UST: variants seen among roughly 807,000 people sequenced by gnomAD.
The protein encoded by UST is chondroitin sulfate 2-O-sulfotransferase.
Under a neutral mutation model 45.6 loss-of-function variants are expected in UST, and 21 were observed. The observed-to-expected ratio is 0.46, with a 90% CI of 0.33 to 0.66. The LOEUF is 0.66. UST is among the 30% of genes least tolerant of loss of function. The probability of loss-of-function intolerance (pLI) is 0.02; values close to 1 mark genes in which losing one functional copy is unlikely to be tolerated. For missense variants in UST, 463 were observed against 512.4 expected, an observed-to-expected ratio of 0.90 and a Z score of 0.93; for synonymous variants, 215 against 200.6, an observed-to-expected ratio of 1.07 and a Z score of -0.61.
At chr6:148,901,008 T>C (rs899477105) in intron 2 of UST, among the ~76,000 whole-genome samples, 1 of 152,242 alleles carries the variant, frequency 6.6e-6, no homozygotes, top group African/African-American at 2.4e-5. Context: ...CCCTTGTGAT[T>C]ACATTGGACT....
chr6:149,023,155 GGTGTGGT>G (rs1776004987), intron 7 of UST, among the ~76,000 whole-genome samples: 2 of 148,870 alleles, frequency 1.3e-5, no homozygotes, highest in South Asian at 2.1e-4. Context: ...TGTGTGGTGT[GGTGTGGT>G]GTGTGGTGTG....
chr6:149,000,955 T>C (rs1220578376), intron 5 of UST, among the ~76,000 whole-genome samples: 8 of 152,032 alleles, frequency 5.3e-5, no homozygotes, highest in Non-Finnish European at 1.2e-4. Context: ...GGAAAAAATA[T>C]TGTAAAGTTT....
chr6:149,044,517 C>T (rs1335898097), intron 7 of UST, among the ~76,000 whole-genome samples: 1 of 152,196 alleles, frequency 6.6e-6, no homozygotes, highest in Non-Finnish European at 1.5e-5. Context: ...ATGTAGTTCG[C>T]TGCCTTTCTA....
At chr6:148,831,962 C>T (rs1338178569) in intron 1 of UST, among the ~76,000 whole-genome samples, 3 of 152,120 alleles carry the variant, frequency 2.0e-5, no homozygotes, top group Non-Finnish European at 4.4e-5. Context: ...GGGTCTAATA[C>T]TTGTAAATAC....
At chr6:148,864,820 G>A (rs1778395229) in intron 1 of UST, among the ~76,000 whole-genome samples, 2 of 152,152 alleles carry the variant, frequency 1.3e-5, no homozygotes, top group Admixed American at 1.3e-4. Flanking sequence ...CAGTTTACAG[G>A]GCATTGAGAT....
At chr6:148,929,968 G>A (rs376975458) in intron 2 of UST, among the ~76,000 whole-genome samples, 2 of 152,156 alleles carry the variant, frequency 1.3e-5, no homozygotes, top group Admixed American at 6.6e-5. Flanking sequence ...AAACATGGGA[G>A]GGAGGCTAGA....
At chr6:148,792,874 T>C (rs2114705991) in intron 1 of UST, among the ~76,000 whole-genome samples, 1 of 152,346 alleles carries the variant, frequency 6.6e-6, no homozygotes, top group South Asian at 2.1e-4. Context: ...TCCTTTGATC[T>C]AAACATTCTT....
At chr6:148,966,387 T>G (rs891269550) in intron 5 of UST, among the ~76,000 whole-genome samples, 2 of 152,236 alleles carry the variant, frequency 1.3e-5, no homozygotes, top group African/African-American at 4.8e-5. Flanking sequence ...TTGATTAATA[T>G]ATCTATATGC....
intron 1 of UST, among the ~76,000 whole-genome samples, chr6:148,877,374 G>A (rs920716308): frequency 2.9e-5 from 2 of 67,982 alleles, no homozygotes; most frequent in African/African-American, 7.9e-5. Context: ...TGTATGAGTG[G>A]GGGGGTCGTG....
intron 5 of UST, among the ~76,000 whole-genome samples, chr6:148,970,602 G>C (rs1337330880): frequency 6.6e-6 from 1 of 152,200 alleles, no homozygotes; most frequent in Non-Finnish European, 1.5e-5. Context: ...GCCAGTGAAG[G>C]CTAGGAAACG....
At chr6:149,050,523 A>G (rs1776468095) in intron 7 of UST, among the ~76,000 whole-genome samples, 1 of 152,272 alleles carries the variant, frequency 6.6e-6, no homozygotes, top group Admixed American at 6.5e-5. Flanking sequence ...AAGGAATGTT[A>G]AAATGACATT....
chr6:148,977,356 T>C (rs539635999), intron 5 of UST, among the ~76,000 whole-genome samples: 1 of 152,094 alleles, frequency 6.6e-6, no homozygotes, highest in African/African-American at 2.4e-5. Context: ...TATATATACA[T>C]TTTATTATCT....
At chr6:149,046,989 A>G (rs1399610563) in intron 7 of UST, among the ~76,000 whole-genome samples, 3 of 152,038 alleles carry the variant, frequency 2.0e-5, no homozygotes, top group Non-Finnish European at 4.4e-5. Flanking sequence ...CTCTGTTTGG[A>G]GTTAAAGAGG....
chr6:148,781,330 G>A (rs899340473), intron 1 of UST, among the ~76,000 whole-genome samples: 2 of 152,120 alleles, frequency 1.3e-5, no homozygotes, highest in African/African-American at 2.4e-5. Context: ...TGAGTGGTCC[G>A]GATAGAAGGT....
intron 1 of UST, among the ~76,000 whole-genome samples, chr6:148,884,806 G>A (rs113255400): frequency 2.0e-5 from 3 of 152,292 alleles, no homozygotes; most frequent in African/African-American, 7.2e-5. Context: ...GTGAGAAGTG[G>A]TCAGATTTGA....
intron 5 of UST, among the ~76,000 whole-genome samples, chr6:148,996,565 CTCTT>C (rs1293726772): frequency 1.3e-5 from 2 of 152,252 alleles, no homozygotes; most frequent in African/African-American, 2.4e-5. Context: ...CTCCTACAGA[CTCTT>C]TCTCTTGTGT....
intron 3 of UST, among the ~76,000 whole-genome samples, chr6:148,947,963 G>C (rs1240790970): frequency 6.6e-6 from 1 of 151,802 alleles, no homozygotes; most frequent in Non-Finnish European, 1.5e-5. Context: ...AGCAAGGCCT[G>C]CAAAAATAAA....
At chr6:148,843,578 G>A (rs980195263) in intron 1 of UST, among the ~76,000 whole-genome samples, 1 of 152,084 alleles carries the variant, frequency 6.6e-6, no homozygotes, top group Non-Finnish European at 1.5e-5. Flanking sequence ...AACTCTCTTC[G>A]GCATTTTGCA....
chr6:148,765,981 G>A (rs1776314578), intron 1 of UST, among the ~76,000 whole-genome samples: 1 of 152,076 alleles, frequency 6.6e-6, no homozygotes, highest in African/African-American at 2.4e-5. Flanking sequence ...TGTTGGCTGT[G>A]GGTTTGTCCT....
Sources: allele counts gnomAD v4.1 joint callset (sites outside exome capture counted in the v4.1 genomes callset), GRCh38; gene constraint gnomAD v4.1.1; transcripts MANE v1.5; gene names NCBI Gene and HGNC (gene_info 2026-07-23, HGNC 2026-07-21).